Variants in EMID1 observed in about 807,000 individuals in gnomAD.
EMID1 encodes EMI domain containing 1.
EMID1 carries 40 observed loss-of-function variants against 60.6 expected under a neutral mutation model. The ratio of observed to expected loss-of-function variants is 0.66; its 90% CI spans 0.51 to 0.86. The LOEUF is 0.86. EMID1 is among the 40% of genes least tolerant of loss of function. EMID1 has a pLI of 0.00. For missense variants in EMID1, 585 were observed against 597.1 expected, an observed-to-expected ratio of 0.98 and a Z score of 0.21; for synonymous variants, 242 against 231.0, an observed-to-expected ratio of 1.05 and a Z score of -0.43.
Position 29,205,922 on chromosome 22 carries a change from A to C in EMID1, c.-117A>C. ...CCTCCTGCCCGCCCTCCGGCCGCGG[A>C]GCTGGAAACCGGGCTCCGCGCGTCC... On this transcript the variant is annotated 5_prime_UTR_variant, in exon 1 of 15. Coordinates refer to ENST00000334018, the MANE Select transcript of EMID1 (RefSeq NM_133455.4). 1.0e-5 allele frequency: 4 copies of C among 389,466 alleles called. No individual in the cohort carries two copies. Among genetic ancestry groups the C allele is most frequent in the Non-Finnish European group, 1.4e-5 (4 of 284,968 alleles). The allele number at this position is 389,466 out of a possible 1,614,324, so 24.1% of individuals were successfully genotyped here. A position where few individuals can be genotyped will look rare whatever the true frequency, so the allele number is the denominator to read the frequency against.
chr22:29,256,159 G>A (rs2041698474), intron 14 of EMID1, among the ~76,000 whole-genome samples: 1 of 152,072 alleles, frequency 6.6e-6, no homozygotes, highest in South Asian at 2.1e-4. Flanking sequence ...TCCATATCAT[G>A]TCCAACCTCG....
intron 13 of EMID1, among the ~76,000 whole-genome samples, chr22:29,250,661 G>A (rs2041492009): frequency 6.9e-6 from 1 of 145,496 alleles, no homozygotes; most frequent in Non-Finnish European, 1.5e-5. Context: ...CTGCCTCCCA[G>A]GTTCAAACGA....
At chr22:29,234,004 T>C (rs2040848293) in intron 10 of EMID1, 133 bp from the exon 11 acceptor site, 1 of 941,156 alleles carries the variant, frequency 1.1e-6, no homozygotes. Context: ...CTGACTGCGG[T>C]GTGCTGGGTG....
At chr22:29,229,123 C>T (rs1346225911) in intron 5 of EMID1, among the ~76,000 whole-genome samples, 1 of 151,982 alleles carries the variant, frequency 6.6e-6, no homozygotes, top group Non-Finnish European at 1.5e-5. Context: ...AGGAGGATTG[C>T]TTGAGGCCTG....
chr22:29,215,733 C>A (rs902807736), intron 3 of EMID1, 103 bp downstream of exon 3: 15 of 902,120 alleles, frequency 1.7e-5, no homozygotes, highest in Non-Finnish European at 2.6e-5. Context: ...TGCACAGTAC[C>A]ATGCCTGCTG....
In EMID1 at chr22:29,217,442, C is replaced by T. The variant is rs1185909593; in HGVS notation, c.319+1812C>T. On this transcript the variant is annotated intron_variant, in intron 3 of 14. Coordinates refer to ENST00000334018, the MANE Select transcript of EMID1 (RefSeq NM_133455.4). ...GCTCTGCCACACACCAGCTGCATGG[C>T]CTTGGGCCGGGGACTTCCCGTGCTT... is the stretch of plus-strand genomic sequence containing the variant. Among the ~76,000 whole-genome samples, 5 of 152,242 alleles carry T rather than the reference C, an allele frequency of 3.3e-5. No individual in the cohort carries two copies. In the East Asian group the frequency reaches 9.6e-4, roughly 29 times the overall value.
At chr22:29,232,813 TGA>T in intron 8 of EMID1, 1 of 190,822 alleles carries the variant, frequency 5.2e-6, no homozygotes, top group Admixed American at 5.3e-5. Flanking sequence ...CTCCAGGCCC[TGA>T]CGTGCGTCCT....
Position 29,243,496 on chromosome 22 carries a change from T to C in EMID1, c.1119+7T>C. ...TGGTGAGAAGAGCCACTGGGTAAGC[T>C]CTGGCCTGGCACTGGCCTCTCCCTG... On this transcript the variant is annotated splice_region_variant and intron_variant, in intron 13 of 14. Coordinates refer to ENST00000334018, the MANE Select transcript of EMID1 (RefSeq NM_133455.4). 1 of 1,613,966 alleles carries C rather than the reference T, an allele frequency of 6.2e-7. No homozygotes were observed. The highest frequency in any genetic ancestry group is 8.5e-7 in the Non-Finnish European group (1 of 1,179,870).
intron 12 of EMID1, among the ~76,000 whole-genome samples, chr22:29,239,785 TCTCA>T (rs2041089133): frequency 6.9e-6 from 1 of 145,938 alleles, no homozygotes; most frequent in Non-Finnish European, 1.5e-5. Flanking sequence ...TGAGACAGAG[TCTCA>T]CTCTGTCTCC....
intron 3 of EMID1, among the ~76,000 whole-genome samples, chr22:29,221,590 G>C (rs1272748605): frequency 3.3e-5 from 5 of 152,246 alleles, no homozygotes; most frequent in African/African-American, 1.2e-4. Flanking sequence ...TAGCCAGGAT[G>C]GTCTCGATCT....
At chr22:29,230,628 T>A (rs1055109541) in intron 5 of EMID1, among the ~76,000 whole-genome samples, 1 of 152,190 alleles carries the variant, frequency 6.6e-6, no homozygotes, top group Non-Finnish European at 1.5e-5. Flanking sequence ...GCTGGCCATG[T>A]GCCTCCTGCC....
At chr22:29,216,223 G>T (rs2040077541) in intron 3 of EMID1, 1 of 823,410 alleles carries the variant, frequency 1.2e-6, no homozygotes, top group Admixed American at 6.2e-5. Flanking sequence ...CCTCTGGGTG[G>T]CTCAGGGCTG....
chr22:29,217,091 C>T (rs1215752618), intron 3 of EMID1, among the ~76,000 whole-genome samples: 4 of 152,204 alleles, frequency 2.6e-5, no homozygotes, highest in Non-Finnish European at 5.9e-5. Context: ...GGGCCGAATC[C>T]CCAGGGCATG....
At chr22:29,225,548 G>A (rs952791867) in intron 4 of EMID1, among the ~76,000 whole-genome samples, 4 of 152,190 alleles carry the variant, frequency 2.6e-5, no homozygotes, top group Admixed American at 1.3e-4. Flanking sequence ...TGTGCCAGGC[G>A]CTTCCCATCA....
intron 1 of EMID1, among the ~76,000 whole-genome samples, chr22:29,211,467 CG>C (rs1568966300): frequency 2.6e-5 from 4 of 151,990 alleles, no homozygotes; most frequent in African/African-American, 4.8e-5. Flanking sequence ...CACTGCAGTG[CG>C]TATTTGCCCT....
At chr22:29,234,618 C>A (rs530248726) in intron 12 of EMID1, among the ~76,000 whole-genome samples, 45 of 152,268 alleles carry the variant, frequency 3.0e-4, no homozygotes, top group Non-Finnish European at 5.1e-4. Context: ...CTCTATCTCT[C>A]CAATTCTGAT....
At chr22:29,216,648 A>G in intron 3 of EMID1, 1 of 985,426 alleles carries the variant, frequency 1.0e-6, no homozygotes, top group Non-Finnish European at 1.2e-6. Context: ...GTTTCTTGGG[A>G]GATTTGCACA....
chr22:29,256,518 G>A (rs1298847994), intron 14 of EMID1, among the ~76,000 whole-genome samples: 1 of 151,742 alleles, frequency 6.6e-6, no homozygotes, highest in Non-Finnish European at 1.5e-5. Flanking sequence ...AGGAAGAAGG[G>A]TTAAGGTTAG....
chr22:29,214,252 G>C (rs1250855592), intron 1 of EMID1, among the ~76,000 whole-genome samples: 3 of 152,208 alleles, frequency 2.0e-5, no homozygotes, highest in Admixed American at 1.3e-4. Flanking sequence ...CAGGTGTGCA[G>C]ATGCTGCGGG....
Sources: gnomAD v4.1 joint callset for allele counts (sites outside exome capture counted in the v4.1 genomes callset) on GRCh38, gnomAD v4.1.1 for gene constraint, MANE v1.5 for transcripts, NCBI Gene and HGNC (gene_info 2026-07-23, HGNC 2026-07-21) for gene names.